The following SEMA3C variants were observed in gnomAD, a reference collection of about 807,000 sequenced individuals.
SEMA3C encodes semaphorin 3C.
Under a neutral mutation model 89.4 loss-of-function variants are expected in SEMA3C, and 47 were observed. That is an observed-to-expected ratio of 0.53 (90% CI 0.42 to 0.67). The LOEUF is 0.67. Among genes scored for constraint, SEMA3C ranks in the 30% least tolerant of loss-of-function variants. The pLI, the probability that SEMA3C is intolerant of heterozygous loss-of-function variation, is 0.00. For missense variants in SEMA3C, 839 were observed against 929.1 expected (o/e 0.90, Z 1.26); for synonymous variants, 310 against 320.2 (o/e 0.97, Z 0.34).
intron 4 of SEMA3C, among the ~76,000 whole-genome samples, chr7:80,819,227 A>ATTCC (rs202120109): frequency 0.086 from 13,071 of 152,228 alleles, 580 homozygotes; most frequent in African/African-American, 0.1. Flanking sequence ...CAGAAATATT[A>ATTCC]AAACAACATG....
At chr7:80,813,582 G>T (rs1439255268) in intron 5 of SEMA3C, among the ~76,000 whole-genome samples, 3 of 152,126 alleles carry the variant, frequency 2.0e-5, no homozygotes, top group Admixed American at 2.0e-4. Flanking sequence ...ACTAATACAT[G>T]AGACTAGTTC....
chr7:80,804,260 G>C lies in SEMA3C; in HGVS notation c.659-12C>G. On this transcript the variant is annotated splice_polypyrimidine_tract_variant and intron_variant, in intron 7 of 17. Coordinates refer to ENST00000265361, the MANE Select transcript of SEMA3C (RefSeq NM_006379.5). Reference sequence around the variant, plus strand: ...TACAAACATAGGTTCTAGAAAAAAAGGTAAAAGACTAGGTATATATTCATT... The same window carrying C: ...TACAAACATAGGTTCTAGAAAAAAACGTAAAAGACTAGGTATATATTCATT... 1 of 1,573,702 alleles carries C rather than the reference G, an allele frequency of 6.4e-7. No individual in the cohort carries two copies. The highest frequency in any genetic ancestry group is 2.3e-5 in the East Asian group (1 of 42,962).
At chr7:80,889,158 C>T (rs570394519) in intron 2 of SEMA3C, among the ~76,000 whole-genome samples, 36 of 152,264 alleles carry the variant, frequency 2.4e-4, no homozygotes, top group African/African-American at 7.0e-4. Flanking sequence ...CCACCACGCT[C>T]GGCCATGTTT....
intron 6 of SEMA3C, among the ~76,000 whole-genome samples, chr7:80,806,366 G>A (rs1289012145): frequency 6.6e-6 from 1 of 152,070 alleles, no homozygotes; most frequent in Non-Finnish European, 1.5e-5. Context: ...ACATGACAAG[G>A]AGGCCACATT....
chr7:80,874,751 A>G (rs1053855537), intron 2 of SEMA3C, among the ~76,000 whole-genome samples: 14 of 152,006 alleles, frequency 9.2e-5, no homozygotes, highest in Non-Finnish European at 2.1e-4. Flanking sequence ...TACAGGCATG[A>G]GCCAGCGCGT....
chr7:80,847,582 GT>G (rs750418756), intron 2 of SEMA3C, among the ~76,000 whole-genome samples: 14 of 151,644 alleles, frequency 9.2e-5, no homozygotes, highest in Non-Finnish European at 1.0e-4. Context: ...CATTGAGTAG[GT>G]TTTTTTTTCC....
chr7:80,883,530 C>G (rs905657493), intron 2 of SEMA3C, among the ~76,000 whole-genome samples: 2 of 152,166 alleles, frequency 1.3e-5, no homozygotes, highest in African/African-American at 4.8e-5. Flanking sequence ...AATACATGAA[C>G]TTTTAAGATC....
intron 2 of SEMA3C, among the ~76,000 whole-genome samples, chr7:80,861,934 T>G (rs573744780): frequency 8.5e-5 from 13 of 152,150 alleles, no homozygotes; most frequent in African/African-American, 3.1e-4. Flanking sequence ...ACATACAAGG[T>G]ACCTACCTCA....
intron 12 of SEMA3C, among the ~76,000 whole-genome samples, chr7:80,772,795 T>C (rs1788464349): frequency 6.6e-6 from 1 of 152,164 alleles, no homozygotes; most frequent in African/African-American, 2.4e-5. Context: ...ACTCAGTGCC[T>C]TTCAAGTTTA....
At chr7:80,865,100 T>C (rs1464110475) in intron 2 of SEMA3C, among the ~76,000 whole-genome samples, 1 of 152,182 alleles carries the variant, frequency 6.6e-6, no homozygotes, top group African/African-American at 2.4e-5. Context: ...TGGTGCAGTA[T>C]TAATTTTTCT....
intron 4 of SEMA3C, among the ~76,000 whole-genome samples, chr7:80,822,449 A>G (rs1206044112): frequency 3.9e-5 from 6 of 152,088 alleles, no homozygotes; most frequent in Admixed American, 3.9e-4. Context: ...AAACACAGAC[A>G]TGAGAGTGCA....
At chr7:80,885,433 A>G (rs1409620360) in intron 2 of SEMA3C, among the ~76,000 whole-genome samples, 5 of 151,976 alleles carry the variant, frequency 3.3e-5, no homozygotes, top group African/African-American at 1.2e-4. Flanking sequence ...CCTAACCAAC[A>G]TGACAAACCC....
chr7:80,863,664 TATATATATACACAC>T (rs1163191678), intron 2 of SEMA3C, among the ~76,000 whole-genome samples: 2 of 150,082 alleles, frequency 1.3e-5, no homozygotes, highest in Admixed American at 6.7e-5. Context: ...ATATCACATA[TATATATATACACAC>T]ATATATATAC....
intron 15 of SEMA3C, 44 bp from the exon 16 acceptor site, chr7:80,751,380 G>A (rs1787931768): frequency 6.7e-7 from 1 of 1,493,718 alleles, no homozygotes; most frequent in Non-Finnish European, 9.3e-7. Context: ...AATTATCACT[G>A]CCAATTACAC....
chr7:80,799,969 T>C (rs1789161359), intron 10 of SEMA3C, among the ~76,000 whole-genome samples: 1 of 150,958 alleles, frequency 6.6e-6, no homozygotes, highest in Admixed American at 6.6e-5. Flanking sequence ...GCCTTGAACA[T>C]GGTGTAACCC....
At chr7:80,810,524 C>T (rs1408289859) in intron 6 of SEMA3C, 87 bp downstream of exon 6, 1 of 987,128 alleles carries the variant, frequency 1.0e-6, no homozygotes, top group East Asian at 2.5e-5. Context: ...CTATCATCCA[C>T]ACAACCATCA....
intron 17 of SEMA3C, among the ~76,000 whole-genome samples, chr7:80,746,293 G>A (rs1334357735): frequency 1.3e-5 from 2 of 152,100 alleles, no homozygotes; most frequent in Non-Finnish European, 2.9e-5. Context: ...AAAAAGGCAA[G>A]TATAGTATTA....
chr7:80,798,343 G>T, intron 10 of SEMA3C, 107 bp from the exon 11 acceptor site: 1 of 1,028,012 alleles, frequency 9.7e-7, no homozygotes, highest in Non-Finnish European at 1.3e-6. Flanking sequence ...ATCCACCATA[G>T]AAAAGTTAAA....
intron 2 of SEMA3C, among the ~76,000 whole-genome samples, chr7:80,845,626 A>T (rs2189959): frequency 0.039 from 5,965 of 151,966 alleles, 306 homozygotes; most frequent in East Asian, 0.13. Flanking sequence ...TTCTATTATC[A>T]CTCAATTCTA....
Sources: gnomAD v4.1 joint callset for allele counts (sites outside exome capture counted in the v4.1 genomes callset) on GRCh38, gnomAD v4.1.1 for gene constraint, MANE v1.5 for transcripts, NCBI Gene and HGNC (gene_info 2026-07-23, HGNC 2026-07-21) for gene names.